TRPC5: variants seen among roughly 807,000 people sequenced by gnomAD.
The protein encoded by TRPC5 is transient receptor potential cation channel subfamily C member 5, also known as short transient receptor potential channel 5.
Under a neutral mutation model 56.5 loss-of-function variants are expected in TRPC5, and 9 were observed. The ratio of observed to expected loss-of-function variants is 0.16; its 90% confidence interval spans 0.10 to 0.28. TRPC5 has a LOEUF of 0.28. Among genes scored for constraint, TRPC5 ranks in the 10% least tolerant of loss-of-function variants. TRPC5 has a pLI of 1.00. For synonymous variants in TRPC5, 282 were observed against 278.5 expected (o/e 1.01, Z -0.13); for missense variants, 469 against 748.9 (o/e 0.63, Z 4.36).
intron 6 of TRPC5, among the ~76,000 whole-genome samples, chrX:111,836,910 G>C (rs968697921): frequency 1.8e-5 from 2 of 112,452 alleles, no homozygotes; most frequent in Non-Finnish European, 3.8e-5. Context: ...TTAAGGCTGT[G>C]CTCTCCACTG....
At chrX:112,013,288 C>T (rs886263083) in intron 1 of TRPC5, among the ~76,000 whole-genome samples, 3 of 111,542 alleles carry the variant, frequency 2.7e-5, no homozygotes, top group African/African-American at 9.8e-5. Flanking sequence ...GTAGCTGGGA[C>T]TATAGGCGTG....
chrX:111,842,248 C>T (rs1323720910), intron 6 of TRPC5, among the ~76,000 whole-genome samples: 1 of 105,796 alleles, frequency 9.5e-6, no homozygotes, highest in African/African-American at 3.6e-5. Context: ...AGCGATTCTC[C>T]TGCCCCAGCC....
At chrX:111,916,055 G>T (rs143016860) in intron 2 of TRPC5, among the ~76,000 whole-genome samples, 2 of 111,716 alleles carry the variant, frequency 1.8e-5, no homozygotes, top group Non-Finnish European at 3.8e-5. Context: ...AGCCTGGGAG[G>T]TCGAGGCTGC....
At chrX:112,076,825 A>C (rs1027760314) in intron 1 of TRPC5, among the ~76,000 whole-genome samples, 1 of 111,731 alleles carries the variant, frequency 9.0e-6, no homozygotes, top group Non-Finnish European at 1.9e-5. Flanking sequence ...TTCTGAAAAA[A>C]TATTTGTTTC....
intron 1 of TRPC5, among the ~76,000 whole-genome samples, chrX:111,981,776 A>G (rs1471396262): frequency 1.8e-5 from 2 of 112,009 alleles, no homozygotes; most frequent in African/African-American, 6.5e-5. Flanking sequence ...AATACATTTT[A>G]TATTTCATGA....
intron 7 of TRPC5, among the ~76,000 whole-genome samples, chrX:111,790,187 A>C (rs1484334285): frequency 1.8e-5 from 2 of 112,184 alleles, no homozygotes; most frequent in East Asian, 5.6e-4. Flanking sequence ...AGACTGGATA[A>C]AGAAAATGTG....
At chrX:111,815,346 T>C (rs961852293) in intron 7 of TRPC5, among the ~76,000 whole-genome samples, 2 of 111,612 alleles carry the variant, frequency 1.8e-5, no homozygotes, top group Middle Eastern at 4.6e-3. Context: ...AGAATCTTCA[T>C]TGTTTAACAA....
chrX:111,882,484 A>G (rs1397517015), intron 3 of TRPC5, among the ~76,000 whole-genome samples: 2 of 112,788 alleles, frequency 1.8e-5, no homozygotes, highest in African/African-American at 6.4e-5. Context: ...TCCTTACGAA[A>G]GAGTAGCTGC....
At chrX:111,842,057 CT>C (rs1322759405) in intron 6 of TRPC5, among the ~76,000 whole-genome samples, 3 of 99,823 alleles carry the variant, frequency 3.0e-5, no homozygotes, top group African/African-American at 1.2e-4. Context: ...ATCTATCTAT[CT>C]ATCTATCTAT....
At chrX:111,994,806 G>A (rs1928473559) in intron 1 of TRPC5, among the ~76,000 whole-genome samples, 1 of 111,884 alleles carries the variant, frequency 8.9e-6, no homozygotes, top group African/African-American at 3.2e-5. Flanking sequence ...ATTTTGGGCT[G>A]AGACGATGGG....
At chrX:112,035,742 C>T (rs1052865594) in intron 1 of TRPC5, among the ~76,000 whole-genome samples, 2 of 109,316 alleles carry the variant, frequency 1.8e-5, no homozygotes, top group Admixed American at 9.9e-5. Context: ...CGCCATTCTC[C>T]TGCCCCAGCC....
At chrX:111,949,347 T>G (rs1371944033) in intron 2 of TRPC5, among the ~76,000 whole-genome samples, 1 of 111,995 alleles carries the variant, frequency 8.9e-6, no homozygotes, top group African/African-American at 3.3e-5. Context: ...TGGAACTTAA[T>G]TAAACTAAAG....
intron 1 of TRPC5, among the ~76,000 whole-genome samples, chrX:111,987,343 CTTCT>C (rs1928237965): frequency 9.0e-6 from 1 of 111,116 alleles, no homozygotes; most frequent in African/African-American, 3.3e-5. Flanking sequence ...CTTTTTCTTT[CTTCT>C]TTATTTTTTT....
chrX:111,845,589 T>G (rs899952963), intron 6 of TRPC5, among the ~76,000 whole-genome samples: 8 of 112,075 alleles, frequency 7.1e-5, no homozygotes, highest in Admixed American at 2.8e-4. Flanking sequence ...CCTGACCTCC[T>G]GAAAGGCACC....
chrX:111,919,327 C>G (rs1220964482), intron 2 of TRPC5, among the ~76,000 whole-genome samples: 1 of 111,970 alleles, frequency 8.9e-6, no homozygotes, highest in Non-Finnish European at 1.9e-5. Context: ...TAAAAGCTGG[C>G]CACCCCAGCC....
At chrX:111,894,577 C>G (rs1924966250) in intron 3 of TRPC5, among the ~76,000 whole-genome samples, 1 of 111,562 alleles carries the variant, frequency 9.0e-6, no homozygotes, top group African/African-American at 3.3e-5. Flanking sequence ...GAGAGCCACA[C>G]AGGCCAAAGG....
intron 7 of TRPC5, among the ~76,000 whole-genome samples, chrX:111,802,662 A>G (rs1229491745): frequency 9.0e-6 from 1 of 110,980 alleles, no homozygotes; most frequent in East Asian, 2.8e-4. Context: ...AAGAGTGATG[A>G]TAATCTTCTT....
rs17316550 is a variant in TRPC5 at position 111,927,575 on chromosome X, C to T, written c.379-14763G>A. 1.9e-3 allele frequency among the ~76,000 whole-genome samples: 213 copies of T among 110,927 alleles called. 2 individuals carry two copies. The East Asian group carries it at 0.02, about 10-fold the overall frequency. Reference sequence around the variant, plus strand: ...TCCATGGGAATGAAGTGTCTTCATCCGGGGCTGTGGAGGACTGAAGGGCTA... The same window carrying T: ...TCCATGGGAATGAAGTGTCTTCATCTGGGGCTGTGGAGGACTGAAGGGCTA... On this transcript the variant is annotated intron_variant, in intron 2 of 10. Transcript: ENST00000262839.
chrX:111,937,291 G>A (rs1238036416), intron 2 of TRPC5, among the ~76,000 whole-genome samples: 1 of 103,036 alleles, frequency 9.7e-6, no homozygotes, highest in Non-Finnish European at 2.0e-5. Flanking sequence ...CCATTTTGTA[G>A]GTTGCCTGTT....
Sources: gnomAD v4.1 joint callset for allele counts (sites outside exome capture counted in the v4.1 genomes callset) on GRCh38, gnomAD v4.1.1 for gene constraint, MANE v1.5 for transcripts, NCBI Gene and HGNC (gene_info 2026-07-23, HGNC 2026-07-21) for gene names.